The following NDUFAF6 variants were observed in gnomAD, a reference collection of about 807,000 sequenced individuals.
NDUFAF6 encodes the protein NADH:ubiquinone oxidoreductase complex assembly factor 6, also known as NADH dehydrogenase (ubiquinone) complex I, assembly factor 6.
Under a neutral mutation model 40.8 loss-of-function variants are expected in NDUFAF6, and 45 were observed. The ratio of observed to expected loss-of-function variants is 1.10; its 90% CI spans 0.87 to 1.42. The LOEUF (loss-of-function observed/expected upper bound fraction) is 1.42. Ranked by LOEUF, NDUFAF6 falls within the 40% of genes most tolerant of loss-of-function variation. The pLI is 0.00. For synonymous variants in NDUFAF6, 185 were observed against 155.9 expected, an observed-to-expected ratio of 1.19 and a Z score of -1.39; for missense variants, 435 against 418.5, an observed-to-expected ratio of 1.04 and a Z score of -0.34.
intron 1 of NDUFAF6, chr8:94,975,364 T>C (rs2131552103): frequency 6.6e-6 from 1 of 152,402 alleles, no homozygotes; most frequent in South Asian, 2.1e-4. Context: ...AGATGTCTAC[T>C]GAACTGCTCC....
intron 9 of NDUFAF6, among the ~76,000 whole-genome samples, chr8:95,064,405 A>G (rs931325429): frequency 6.6e-6 from 1 of 152,182 alleles, no homozygotes; most frequent in African/African-American, 2.4e-5. Context: ...TTCTTCTTAC[A>G]CAACTAACTC....
At chr8:94,932,676 G>A (rs947942448) in intron 1 of NDUFAF6, among the ~76,000 whole-genome samples, 1 of 152,102 alleles carries the variant, frequency 6.6e-6, no homozygotes, top group African/African-American at 2.4e-5. Flanking sequence ...GGTGGCGGGC[G>A]CCTGTAGTCC....
At chr8:95,082,517 A>G (rs1428637038) in intron 2 of NDUFAF6, among the ~76,000 whole-genome samples, 2 of 145,860 alleles carry the variant, frequency 1.4e-5, no homozygotes, top group Non-Finnish European at 3.0e-5. Context: ...CCAAACAGAT[A>G]CCTAGAATTT....
intron 2 of NDUFAF6, among the ~76,000 whole-genome samples, chr8:95,085,147 T>C (rs1359448362): frequency 1.3e-5 from 2 of 152,234 alleles, no homozygotes; most frequent in African/African-American, 4.8e-5. Flanking sequence ...GTTATCTTGG[T>C]AATCAATGCC....
upstream of NDUFAF6, among the ~76,000 whole-genome samples, chr8:95,096,796 C>T (rs1432995773): frequency 6.6e-6 from 1 of 152,180 alleles, no homozygotes; most frequent in Non-Finnish European, 1.5e-5. Context: ...ACTGCCATAC[C>T]AGGTTCATTA....
At chr8:94,922,841 T>C (rs562732704) in intron 1 of NDUFAF6, among the ~76,000 whole-genome samples, 1 of 152,292 alleles carries the variant, frequency 6.6e-6, no homozygotes, top group South Asian at 2.1e-4. Flanking sequence ...TGATAAGCAC[T>C]ATGTTAGGGA....
chr8:95,110,278 A>G (rs1809962731), intron 4 of NDUFAF6, among the ~76,000 whole-genome samples: 1 of 152,242 alleles, frequency 6.6e-6, no homozygotes, highest in African/African-American at 2.4e-5. Flanking sequence ...AACATGCTTC[A>G]GCTTTTTACC....
intron 1 of NDUFAF6, chr8:94,930,665 A>G (rs776605526): frequency 4.3e-6 from 7 of 1,614,140 alleles, no homozygotes; most frequent in Middle Eastern, 1.6e-4. Context: ...GAAAAGTTGT[A>G]TGAGCAGCAA....
At chr8:95,078,044 T>A (rs1808688991), downstream of NDUFAF6, among the ~76,000 whole-genome samples, 1 of 151,948 alleles carries the variant, frequency 6.6e-6, no homozygotes, top group East Asian at 1.9e-4. Context: ...ACCACAGATA[T>A]GAGGCCACTC....
Position 95,047,012 on chromosome 8 carries a change from C to G in NDUFAF6, c.599C>G (p.Ala200Gly). 1 of 1,614,114 alleles carries G rather than the reference C, an allele frequency of 6.2e-7. No homozygotes were observed. Among genetic ancestry groups the G allele is most frequent in the East Asian group, 2.2e-5 (1 of 44,874 alleles). Residue 200 changes from alanine (A) to glycine (G), a missense_variant, in exon 6 of 9, where the codon GCA becomes GGA. Ala to Gly is a moderately conservative substitution (Grantham distance 60). Transcript: ENST00000396124. ...LEILGIKDLH[A>G]DHAASHIGKA... ...ATCATAGGTATAAAGGATCTTCATG[C>G]AGATCATGCTGCAAGTCATATTGGA...
intron 2 of NDUFAF6, among the ~76,000 whole-genome samples, chr8:94,997,218 A>G (rs1335194118): frequency 6.6e-6 from 1 of 151,686 alleles, no homozygotes; most frequent in Non-Finnish European, 1.5e-5. Context: ...TTGTGCAGCC[A>G]CAGTGCAGGC....
intron 1 of NDUFAF6, among the ~76,000 whole-genome samples, chr8:94,901,172 G>C (rs944475067): frequency 6.6e-6 from 1 of 152,174 alleles, no homozygotes; most frequent in African/African-American, 2.4e-5. Flanking sequence ...AGAGGACCTT[G>C]GCATATTTAG....
chr8:95,037,844 C>T (rs1456086536), intron 3 of NDUFAF6, among the ~76,000 whole-genome samples: 3 of 152,212 alleles, frequency 2.0e-5, no homozygotes, highest in Non-Finnish European at 2.9e-5. Context: ...TAAAAACTTA[C>T]TTGGAAATAA....
rs200650006 is a variant in NDUFAF6 at position 94,981,435 on chromosome 8, CAT to C, written c.-84+465_-84+466del. Reference sequence around the variant, plus strand: ...TATAGCAACAGAAAACGGATTAAGACATATGTTGTACTTGAACCTTAATGTAC... The same window carrying C: ...TATAGCAACAGAAAACGGATTAAGACATGTTGTACTTGAACCTTAATGTAC... On this transcript the variant is annotated intron_variant, in intron 2 of 9. Transcript: ENST00000396111. 8.1e-4 allele frequency among the ~76,000 whole-genome samples: 123 copies of C among 152,268 alleles called. 2 individuals are homozygous for C. In the East Asian group the frequency reaches 0.011, roughly 13 times the overall value.
chr8:95,045,748 C>A, intron 5 of NDUFAF6, 101 bp downstream of exon 5: 1 of 868,174 alleles, frequency 1.2e-6, no homozygotes, highest in East Asian at 2.5e-5. Flanking sequence ...GCACTAAAGC[C>A]TTCCTTTATA....
At chr8:95,088,301 T>G (rs1809116266) in intron 2 of NDUFAF6, among the ~76,000 whole-genome samples, 1 of 152,116 alleles carries the variant, frequency 6.6e-6, no homozygotes, top group Non-Finnish European at 1.5e-5. Context: ...TTGGATGGGG[T>G]CCTAATGTGA....
intron 2 of NDUFAF6, among the ~76,000 whole-genome samples, chr8:95,001,317 C>T (rs566072500): frequency 6.6e-6 from 1 of 152,146 alleles, no homozygotes; most frequent in South Asian, 2.1e-4. Flanking sequence ...GACTGAATTT[C>T]TGCTTGAATT....
chr8:94,955,657 A>G (rs1586795790), upstream of NDUFAF6, among the ~76,000 whole-genome samples: 1 of 152,242 alleles, frequency 6.6e-6, no homozygotes, highest in Non-Finnish European at 1.5e-5. Flanking sequence ...ATAGGATTTT[A>G]AAAGAAAATA....
intron 1 of NDUFAF6, among the ~76,000 whole-genome samples, chr8:94,908,751 A>G (rs112201291): frequency 8.3e-4 from 126 of 152,330 alleles, no homozygotes; most frequent in African/African-American, 2.8e-3. Flanking sequence ...CAACAACTCT[A>G]TGAGGTTTAT....
Sources: gnomAD v4.1 joint callset for allele counts (sites outside exome capture counted in the v4.1 genomes callset) on GRCh38, gnomAD v4.1.1 for gene constraint, MANE v1.5 for transcripts, NCBI Gene and HGNC (gene_info 2026-07-23, HGNC 2026-07-21) for gene names.